The following LRCH3 variants were observed in gnomAD, a reference collection of about 807,000 sequenced individuals.
LRCH3 encodes the protein DISP complex protein LRCH3.
Under a neutral mutation model 104.5 loss-of-function variants are expected in LRCH3, and 68 were observed. The ratio of observed to expected loss-of-function variants is 0.65; its 90% confidence interval spans 0.54 to 0.80. LRCH3 has a LOEUF of 0.80. LRCH3 is among the 30% of genes least tolerant of loss of function. The pLI is 0.00. For synonymous variants in LRCH3, 344 were observed against 361.3 expected (o/e 0.95, Z 0.54); for missense variants, 951 against 953.9 (o/e 1.00, Z 0.04).
intron 5 of LRCH3, 100 bp downstream of exon 5, chr3:197,827,114 A>G (rs1057366704): frequency 1.9e-6 from 3 of 1,541,716 alleles, no homozygotes; most frequent in Non-Finnish European, 2.6e-6. Context: ...CAGGTAAATC[A>G]TAGTGGAAGC....
intron 20 of LRCH3, among the ~76,000 whole-genome samples, chr3:197,879,399 C>A (rs981989226): frequency 1.3e-5 from 2 of 152,254 alleles, no homozygotes; most frequent in South Asian, 4.1e-4. Flanking sequence ...GTAATCCCAG[C>A]ACTTTGGGAG....
rs1736037438 is a variant in LRCH3, at chr3:197,832,177, G to A, written c.982-20G>A. 6.2e-7 allele frequency: 1 copy of A among 1,606,362 alleles called. No individual in the cohort carries two copies. The highest frequency in any genetic ancestry group is 8.5e-7 in the Non-Finnish European group (1 of 1,174,884). On this transcript the variant is annotated intron_variant, in intron 7 of 20. Coordinates refer to ENST00000425562, the MANE Select transcript of LRCH3 (RefSeq NM_001365715.1). ...AGGCTCTAAAATGATTGTTTTTAATGTTTCTGCTTCTTTTTTAAGCCTACA... is the reference window on the plus strand; with the variant it reads ...AGGCTCTAAAATGATTGTTTTTAATATTTCTGCTTCTTTTTTAAGCCTACA...
intron 1 of LRCH3, among the ~76,000 whole-genome samples, chr3:197,813,801 G>A (rs530268795): frequency 6.6e-6 from 1 of 152,040 alleles, no homozygotes; most frequent in African/African-American, 2.4e-5. Flanking sequence ...AAAGTGCTGG[G>A]ATTACAGGCG....
chr3:197,878,599 T>A (rs1448592008), intron 20 of LRCH3, among the ~76,000 whole-genome samples: 1 of 152,012 alleles, frequency 6.6e-6, no homozygotes, highest in Non-Finnish European at 1.5e-5. Context: ...CCCTTCCACC[T>A]CCCACCCACG....
rs548681845 is a variant in LRCH3 at position 197,870,154 on chromosome 3, T to G, written c.1874-6T>G. On this transcript the variant is annotated splice_polypyrimidine_tract_variant and splice_region_variant and intron_variant, in intron 17 of 20. Coordinates refer to ENST00000425562, the MANE Select transcript of LRCH3 (RefSeq NM_001365715.1). Reference sequence around the variant, plus strand: ...CTTTCTGTCTTACATATTAATATTTTTATAGGTCATGCTTCACCCCTTCCT... The same window carrying G: ...CTTTCTGTCTTACATATTAATATTTGTATAGGTCATGCTTCACCCCTTCCT... The G allele has an allele frequency of 1.9e-6, 3 of 1,611,276 alleles. No homozygotes were observed. The highest frequency in any genetic ancestry group is 4.5e-5 in the East Asian group (2 of 44,870).
At chr3:197,868,541 C>T (rs973848225) in intron 17 of LRCH3, among the ~76,000 whole-genome samples, 1 of 152,082 alleles carries the variant, frequency 6.6e-6, no homozygotes, top group Non-Finnish European at 1.5e-5. Context: ...GTACCAACAA[C>T]GTGTACAAAA....
intron 20 of LRCH3, chr3:197,881,690 A>G (rs1713785617): frequency 1.0e-6 from 1 of 985,334 alleles, no homozygotes; most frequent in Non-Finnish European, 1.2e-6. Context: ...TTGCGGTTAG[A>G]TTCTAGTTTC....
rs115906748 is a variant in LRCH3, at chr3:197,837,711, C to T, written c.1252-1610C>T. Among the ~76,000 whole-genome samples the T allele has an allele frequency of 8.0e-3, 1,207 of 151,702 alleles. 13 individuals are homozygous for T. Among genetic ancestry groups the T allele is most frequent in the African/African-American group, 0.022 (891 of 41,328 alleles). On this transcript the variant is annotated intron_variant, in intron 9 of 20. Coordinates refer to ENST00000425562, the MANE Select transcript of LRCH3 (RefSeq NM_001365715.1). ...CACATTCATTTTGTCATGAAAATTT[C>T]GTGTGCCTCTTAGAATAATTTTAGA...
At chr3:197,863,370 T>C (rs1447411422) in intron 15 of LRCH3, among the ~76,000 whole-genome samples, 1 of 152,156 alleles carries the variant, frequency 6.6e-6, no homozygotes, top group Non-Finnish European at 1.5e-5. Context: ...CAAGCGATTC[T>C]CCTGCCTCAG....
intron 9 of LRCH3, among the ~76,000 whole-genome samples, chr3:197,838,819 C>T (rs374994563): frequency 2.6e-5 from 4 of 151,940 alleles, no homozygotes; most frequent in African/African-American, 4.8e-5. Flanking sequence ...TGATATTCAC[C>T]GACACACTCA....
intron 20 of LRCH3, among the ~76,000 whole-genome samples, chr3:197,879,338 T>C (rs1170472329): frequency 6.6e-6 from 1 of 152,208 alleles, no homozygotes; most frequent in Non-Finnish European, 1.5e-5. Context: ...ATTCTCGAGC[T>C]GGACTTGGTT....
intron 9 of LRCH3, among the ~76,000 whole-genome samples, chr3:197,838,229 G>A (rs962064678): frequency 6.6e-6 from 1 of 152,228 alleles, no homozygotes; most frequent in Non-Finnish European, 1.5e-5. Flanking sequence ...AGGCCGGCCT[G>A]GGCCACATAG....
At chr3:197,855,139 C>T (rs1463805149) in intron 14 of LRCH3, among the ~76,000 whole-genome samples, 2 of 152,182 alleles carry the variant, frequency 1.3e-5, no homozygotes, top group Non-Finnish European at 2.9e-5. Context: ...GGTCTAGTGC[C>T]TACAGTGCTA....
At chr3:197,827,765 T>C (rs180901715) in intron 5 of LRCH3, among the ~76,000 whole-genome samples, 217 of 152,228 alleles carry the variant, frequency 1.4e-3, no homozygotes, top group African/African-American at 5.0e-3. Context: ...TCTAGTAAAA[T>C]TTGAGTGTAG....
At position 197,791,296 on chromosome 3, in the gene LRCH3, G is replaced by C. The variant is rs567210672; in HGVS notation, c.18G>C (p.Leu6Phe). 76 of 1,608,880 alleles carry C rather than the reference G, an allele frequency of 4.7e-5. No individual in the cohort carries two copies. Among genetic ancestry groups the C allele is most frequent in the South Asian group, 2.6e-4 (24 of 90,596 alleles). The change falls in exon 1 of 21, where the codon TTG becomes TTC. Residue 6 changes from leucine (L) to phenylalanine (F), a missense_variant. Coordinates refer to ENST00000425562, the MANE Select transcript of LRCH3 (RefSeq NM_001365715.1). ...GCTGGGAAATGGCGGCCGCGGGCTT[G>C]GTCGCTGTGGCAGCGGCTGCCGAGT... MAAAG[L>F]VAVAAAAEYS...
At chr3:197,875,863 C>A in intron 20 of LRCH3, 88 bp downstream of exon 20, 1 of 832,872 alleles carries the variant, frequency 1.2e-6, no homozygotes, top group Non-Finnish European at 1.9e-6. Flanking sequence ...TCTTACAGGA[C>A]TAGCTCTGAG....
chr3:197,816,524 C>T (rs528920344), intron 2 of LRCH3, among the ~76,000 whole-genome samples: 219 of 152,338 alleles, frequency 1.4e-3, no homozygotes, highest in African/African-American at 5.0e-3. Context: ...CGGTGATCCA[C>T]CTGCCTTGGC....
chr3:197,870,255 G>C lies in LRCH3; in HGVS notation c.1969G>C (p.Glu657Gln). 1 of 1,613,280 alleles carries C rather than the reference G, an allele frequency of 6.2e-7. No homozygotes were observed. Residue 657 changes from glutamate (E) to glutamine (Q), a missense_variant, in exon 18 of 21, where the codon GAA (glutamate) becomes CAA (glutamine). By Grantham distance (29) the Glu-to-Gln change is conservative (BLOSUM62 2). Coordinates refer to ENST00000425562, the MANE Select transcript of LRCH3 (RefSeq NM_001365715.1). ...QNSRQREEEL[E>Q]LIDQLRKHIE... Reference sequence around the variant, plus strand: ...TTCAAGACAGAGAGAAGAAGAGCTGGAATTAATAGACCAACTGCGTAAAGT... The same window carrying C: ...TTCAAGACAGAGAGAAGAAGAGCTGCAATTAATAGACCAACTGCGTAAAGT...
At position 197,847,454 on chromosome 3, in the gene LRCH3, C is replaced by T; in HGVS notation, c.1374C>T (p.His458=). ...CCCTCCTGTCACTATCAGCAAGTCA[C>T]AATCAGGTAATGTTTAGTAGTTGTG... The part of the protein sequence containing the change: ...PSSLLSLSAS[H]NQLSHTDLEL... Residue 458 remains histidine (H), a synonymous_variant, in exon 11 of 21, where the codon CAC becomes CAT. Coordinates refer to ENST00000425562, the MANE Select transcript of LRCH3 (RefSeq NM_001365715.1). 1 of 1,601,170 alleles carries T rather than the reference C, an allele frequency of 6.2e-7. No homozygotes were observed. Among genetic ancestry groups the T allele is most frequent in the Non-Finnish European group, 8.5e-7 (1 of 1,175,502 alleles).
Sources: gnomAD v4.1 joint callset for allele counts (sites outside exome capture counted in the v4.1 genomes callset) on GRCh38, gnomAD v4.1.1 for gene constraint, MANE v1.5 for transcripts, NCBI Gene and HGNC (gene_info 2026-07-23, HGNC 2026-07-21) for gene names.